Variants in USP34 observed in about 807,000 individuals in gnomAD.
USP34 encodes the protein ubiquitin specific peptidase 34.
In USP34, 70 loss-of-function variants were observed where a neutral mutation model predicts 460.3. The ratio of observed to expected loss-of-function variants is 0.15; its 90% CI spans 0.13 to 0.19. USP34 has a LOEUF of 0.19. Among genes scored for constraint, USP34 ranks in the 10% least tolerant of loss-of-function variants. USP34 has a pLI of 1.00. For missense variants in USP34, 3,985 were observed against 4,236.2 expected (o/e 0.94, Z 1.65); for synonymous variants, 1,647 against 1,405.3 (o/e 1.17, Z -3.85).
At chr2:61,266,399 A>G (rs992914914) in intron 41 of USP34, among the ~76,000 whole-genome samples, 2 of 152,050 alleles carry the variant, frequency 1.3e-5, no homozygotes, top group Non-Finnish European at 2.9e-5. Context: ...TCATTCTTAG[A>G]CTCTTCACGT....
intron 2 of USP34, among the ~76,000 whole-genome samples, chr2:61,418,995 A>C (rs535705940): frequency 6.6e-6 from 1 of 152,200 alleles, no homozygotes; most frequent in Non-Finnish European, 1.5e-5. Context: ...GTGTTTATTA[A>C]GTCCTTTTAG....
chr2:61,447,979 A>G (rs1695167533), intron 1 of USP34, among the ~76,000 whole-genome samples: 1 of 152,190 alleles, frequency 6.6e-6, no homozygotes, highest in African/African-American at 2.4e-5. Flanking sequence ...GCCTCCCAAA[A>G]TACTGGGATT....
At chr2:61,229,742 A>G in intron 58 of USP34, 109 bp from the exon 59 acceptor site, 1 of 887,800 alleles carries the variant, frequency 1.1e-6, no homozygotes, top group Non-Finnish European at 1.7e-6. Flanking sequence ...TTTGCACAAG[A>G]TTATCTTGGT....
Position 61,229,638 on chromosome 2 carries a change from G to A in USP34, c.7114-5C>T, listed in dbSNP as rs1019412797. On this transcript the variant is annotated splice_polypyrimidine_tract_variant and splice_region_variant and intron_variant, in intron 58 of 79. Coordinates refer to ENST00000398571, the MANE Select transcript of USP34 (RefSeq NM_014709.4). ...GATACACAAACGCTGAAACATCTGT[G>A]AAGAAAGAAAAAGATCAAACAAGAG... is the stretch of plus-strand genomic sequence containing the variant. 4 of 1,609,654 alleles carry A rather than the reference G, an allele frequency of 2.5e-6. No homozygotes were observed. The highest frequency in any genetic ancestry group is 1.3e-5 in the African/African-American group (1 of 74,594).
At chr2:61,384,515 A>T (rs776286962) in intron 5 of USP34, among the ~76,000 whole-genome samples, 11 of 152,018 alleles carry the variant, frequency 7.2e-5, no homozygotes, top group Non-Finnish European at 1.5e-4. Flanking sequence ...TACCAAAAAA[A>T]TACAAAAATA....
At chr2:61,416,821 T>TGGGGGGG (rs55720314) in intron 2 of USP34, 35 of 219,556 alleles carry the variant, frequency 1.6e-4, no homozygotes, top group African/African-American at 3.3e-4. Flanking sequence ...TTTTTTTTTT[T>TGGGGGGG]GGGGGGGGGG....
chr2:61,373,310 C>A (rs1257503190), intron 8 of USP34, among the ~76,000 whole-genome samples: 1 of 148,512 alleles, frequency 6.7e-6, no homozygotes, highest in Non-Finnish European at 1.5e-5. Context: ...GTAAAACAAG[C>A]TATATAAAAT....
chr2:61,305,592 T>C (rs893995354), intron 27 of USP34, among the ~76,000 whole-genome samples: 17 of 151,620 alleles, frequency 1.1e-4, no homozygotes. Flanking sequence ...AATTAAAAGG[T>C]TAAGGAGAGA....
rs201356428 is a variant in USP34, at chr2:61,188,095, C to T, written c.*7G>A. 1,518 of 1,609,182 alleles carry T rather than the reference C, an allele frequency of 9.4e-4. 6 individuals are homozygous for T. The highest frequency in any genetic ancestry group is 1.1e-3 in the Non-Finnish European group (1,280 of 1,177,292). ...GGGACTTAAAAGTAGACATGCTACA[C>T]CTAATGTCAAGAAGCAGCTTGGTTT... On this transcript the variant is annotated 3_prime_UTR_variant, in exon 80 of 80. Coordinates refer to ENST00000398571, the MANE Select transcript of USP34 (RefSeq NM_014709.4).
chr2:61,356,829 A>G (rs776389127), intron 10 of USP34, among the ~76,000 whole-genome samples: 1 of 152,224 alleles, frequency 6.6e-6, no homozygotes, highest in Non-Finnish European at 1.5e-5. Context: ...AGTGAACTAC[A>G]CACTTAAAAA....
At chr2:61,286,733 T>A (rs1689701324) in intron 34 of USP34, among the ~76,000 whole-genome samples, 1 of 152,204 alleles carries the variant, frequency 6.6e-6, no homozygotes, top group South Asian at 2.1e-4. Context: ...TTAAGAGTAG[T>A]CACCTATGAC....
chr2:61,358,425 G>C (rs896874301), intron 10 of USP34, among the ~76,000 whole-genome samples: 2 of 151,826 alleles, frequency 1.3e-5, no homozygotes, highest in Admixed American at 6.6e-5. Context: ...TGGACAACCT[G>C]GAAGATTCCT....
chr2:61,311,661 G>C lies in USP34; in HGVS notation c.3696C>G (p.Asp1232Glu), dbSNP rs772590340. Residue 1232 changes from aspartate (D) to glutamate (E), a missense_variant, in exon 27 of 80, where the codon GAC becomes GAG. By Grantham distance (45) the Asp-to-Glu change is conservative. Transcript: ENST00000398571. ...DKMTIEMYPS[D>E]QVADLRAEVT... is the part of the protein sequence containing the mutation. ...CTTCAGCCCTAAGATCTGCTACCTG[G>C]TCACTAGGATACATTTCAATAGTCA... The C allele has an allele frequency of 4.3e-6, 7 of 1,612,502 alleles. No individual in the cohort carries two copies. In the Admixed American group the frequency reaches 1.0e-4, roughly 23 times the overall value.
Position 61,214,286 on chromosome 2 carries a change from A to G in USP34, c.8456T>C (p.Ile2819Thr), listed in dbSNP as rs1216783309. ...CADCPENIRL[I>T]VQNPVVTKNI... is the part of the protein sequence containing the mutation. Reference sequence around the variant, plus strand: ...CTTGGTTACCACTGGGTTCTGAACAATAAGGCGGATATTCTCTGGACAGTC... The same window carrying G: ...CTTGGTTACCACTGGGTTCTGAACAGTAAGGCGGATATTCTCTGGACAGTC... The change falls in exon 68 of 80, where the codon ATT (isoleucine) becomes ACT (threonine). Residue 2819 changes from isoleucine (I) to threonine (T), a missense_variant. Ile to Thr is a moderately conservative substitution (Grantham distance 89). Around this residue, in one of 14 missense-constraint regions of USP34, gnomAD observed 66 missense variants for 121.2 expected, o/e 0.54. Transcript: ENST00000398571. The G allele has an allele frequency of 7.4e-6, 12 of 1,614,228 alleles. No individual in the cohort carries two copies. The highest frequency in any genetic ancestry group is 9.3e-6 in the Non-Finnish European group (11 of 1,180,044).
intron 33 of USP34, among the ~76,000 whole-genome samples, chr2:61,289,619 T>C (rs1368938685): frequency 1.3e-5 from 2 of 152,038 alleles, no homozygotes; most frequent in Non-Finnish European, 2.9e-5. Flanking sequence ...CAGAAAGAAA[T>C]GGTACTTTCT....
intron 8 of USP34, 29 bp from the exon 9 acceptor site, chr2:61,370,608 T>A: frequency 6.3e-7 from 1 of 1,589,224 alleles, no homozygotes; most frequent in Admixed American, 1.8e-5. Flanking sequence ...AATAGTACAT[T>A]AAAAAAAATT....
At chr2:61,368,261 G>A (rs1289574437) in intron 10 of USP34, among the ~76,000 whole-genome samples, 2 of 152,120 alleles carry the variant, frequency 1.3e-5, no homozygotes, top group African/African-American at 4.8e-5. Context: ...GTGAAACCCG[G>A]TCTCTACTAA....
chr2:61,364,792 G>C (rs1692380584), intron 10 of USP34, among the ~76,000 whole-genome samples: 1 of 151,848 alleles, frequency 6.6e-6, no homozygotes, highest in Non-Finnish European at 1.5e-5. Context: ...AGACAATGTG[G>C]TGGTGCGCAC....
chr2:61,464,849 T>C (rs1695715745), intron 1 of USP34, among the ~76,000 whole-genome samples: 1 of 152,138 alleles, frequency 6.6e-6, no homozygotes, highest in Admixed American at 6.6e-5. Context: ...GCATGTAATT[T>C]TAAGCCTCCA....
Sources: gnomAD v4.1 joint callset for allele counts (sites outside exome capture counted in the v4.1 genomes callset) on GRCh38, gnomAD v4.1.1 for gene constraint, gnomAD v4.1.1 regional missense constraint, MANE v1.5 for transcripts, NCBI Gene and HGNC (gene_info 2026-07-23, HGNC 2026-07-21) for gene names.